Variants in TPX2 observed in about 807,000 individuals in gnomAD.
TPX2 encodes the protein targeting protein for Xklp2.
Under a neutral mutation model 93.6 loss-of-function variants are expected in TPX2, and 21 were observed. That is an observed-to-expected ratio of 0.22 (90% CI 0.16 to 0.32). The LOEUF is 0.32. Ranked by LOEUF, TPX2 falls within the 10% of genes least tolerant of loss-of-function variation. The pLI, the probability that TPX2 is intolerant of heterozygous loss-of-function variation, is 1.00. For missense variants in TPX2, 776 were observed against 871.1 expected (o/e 0.89, Z 1.37); for synonymous variants, 281 against 298.3 (o/e 0.94, Z 0.60).
intron 6 of TPX2, among the ~76,000 whole-genome samples, chr20:31,771,075 G>A (rs1568587533): frequency 6.6e-6 from 1 of 152,058 alleles, no homozygotes; most frequent in Non-Finnish European, 1.5e-5. Context: ...TCTATATCAG[G>A]AAACTTAAGT....
chr20:31,786,445 G>C (rs1195583607), intron 12 of TPX2, among the ~76,000 whole-genome samples: 3 of 147,172 alleles, frequency 2.0e-5, no homozygotes, highest in African/African-American at 7.7e-5. Context: ...GCCCAGGCTA[G>C]AGTGCAGAAA....
chr20:31,766,275 T>A (rs2061924151), intron 4 of TPX2, among the ~76,000 whole-genome samples: 1 of 152,218 alleles, frequency 6.6e-6, no homozygotes, highest in Non-Finnish European at 1.5e-5. Context: ...ATTTTATCTT[T>A]ACCAGTGTCC....
chr20:31,747,532 G>A (rs2061791645), intron 2 of TPX2, among the ~76,000 whole-genome samples: 1 of 152,182 alleles, frequency 6.6e-6, no homozygotes, highest in South Asian at 2.1e-4. Flanking sequence ...AGACACGATG[G>A]ATGGCATTGA....
intron 2 of TPX2, among the ~76,000 whole-genome samples, chr20:31,744,624 C>T (rs150443868): frequency 2.0e-5 from 3 of 152,202 alleles, no homozygotes; most frequent in African/African-American, 4.8e-5. Context: ...CCTCCATCTC[C>T]TGGGCTCAAG....
chr20:31,752,064 G>A (rs1459895168), intron 2 of TPX2, among the ~76,000 whole-genome samples: 4 of 152,074 alleles, frequency 2.6e-5, no homozygotes, highest in Non-Finnish European at 5.9e-5. Context: ...AGTATAAGAA[G>A]TCTTTTTAGC....
intron 2 of TPX2, among the ~76,000 whole-genome samples, chr20:31,749,007 G>A (rs959235810): frequency 3.3e-5 from 5 of 150,432 alleles, no homozygotes; most frequent in East Asian, 2.0e-4. Flanking sequence ...GTGCAGTGGC[G>A]CGATCTCGGC....
chr20:31,780,148 T>C (rs2123051357), intron 10 of TPX2, among the ~76,000 whole-genome samples: 1 of 152,172 alleles, frequency 6.6e-6, no homozygotes, highest in Middle Eastern at 3.4e-3. Flanking sequence ...ACCTCTTGGG[T>C]GCAAGAGATT....
intron 2 of TPX2, among the ~76,000 whole-genome samples, chr20:31,755,814 C>A (rs150372152): frequency 1.3e-5 from 2 of 152,022 alleles, no homozygotes; most frequent in South Asian, 4.2e-4. Context: ...AATTATTGGC[C>A]ACTGAGTGTG....
chr20:31,764,102 T>G (rs760292912), intron 4 of TPX2, among the ~76,000 whole-genome samples: 4 of 129,430 alleles, frequency 3.1e-5, no homozygotes. Flanking sequence ...TGTACATACA[T>G]CTAATATACA....
At chr20:31,751,803 C>T (rs557723584) in intron 2 of TPX2, among the ~76,000 whole-genome samples, 5 of 152,164 alleles carry the variant, frequency 3.3e-5, no homozygotes, top group African/African-American at 4.8e-5. Flanking sequence ...AGTGCAATGG[C>T]GCAATCTCAG....
chr20:31,776,294 A>T (rs2061999214), intron 8 of TPX2, among the ~76,000 whole-genome samples: 2 of 150,652 alleles, frequency 1.3e-5, no homozygotes, highest in Admixed American at 1.3e-4. Context: ...GTTAGCCAGG[A>T]TGGTCTCCAT....
intron 2 of TPX2, among the ~76,000 whole-genome samples, chr20:31,746,561 T>C (rs2122949348): frequency 6.6e-6 from 1 of 152,354 alleles, no homozygotes; most frequent in South Asian, 2.1e-4. Flanking sequence ...GACTTTCTCT[T>C]TAATAGAAAT....
At chr20:31,763,738 G>A (rs1183453119) in intron 4 of TPX2, among the ~76,000 whole-genome samples, 1 of 68,732 alleles carries the variant, frequency 1.5e-5, no homozygotes. Flanking sequence ...TTTTTTTTTT[G>A]GCTGGACGTG....
intron 11 of TPX2, among the ~76,000 whole-genome samples, chr20:31,782,924 AC>A (rs1320440512): frequency 4.0e-5 from 6 of 149,412 alleles, no homozygotes; most frequent in South Asian, 2.1e-4. Context: ...ACACACACAC[AC>A]ACACACAAAA....
intron 7 of TPX2, 134 bp downstream of exon 7, chr20:31,771,816 T>C: frequency 1.1e-6 from 1 of 907,848 alleles, no homozygotes; most frequent in Non-Finnish European, 1.6e-6. Flanking sequence ...AATTGTTACA[T>C]GTGTCCTGAT....
In TPX2 at chr20:31,775,891, G is replaced by A. The variant is rs1465082886; in HGVS notation, c.633G>A (p.Glu211=). Residue 211 remains glutamate (E), a synonymous_variant, in exon 8 of 18, where the codon GAG becomes GAA. Transcript: ENST00000300403. The stretch of plus-strand genomic sequence containing the variant: ...GGCAGAAGTTTCTAAAAAGTACTGA[G>A]GAGCAAGAGCTGGAGAAGAGTATGA... ...PAKQKFLKST[E]EQELEKSMKM... is the part of the protein sequence containing the mutation. The A allele has an allele frequency of 1.3e-6, 2 of 1,597,628 alleles. No homozygotes were observed. The highest frequency in any genetic ancestry group is 1.1e-5 in the South Asian group (1 of 88,764).
intron 10 of TPX2, 46 bp downstream of exon 10, chr20:31,779,030 T>C: frequency 6.6e-7 from 1 of 1,505,634 alleles, no homozygotes; most frequent in African/African-American, 1.4e-5. Context: ...CTCTCCTACA[T>C]TCCCTCTGCT....
chr20:31,783,476 C>G (rs1440871998), intron 11 of TPX2, among the ~76,000 whole-genome samples: 1 of 152,070 alleles, frequency 6.6e-6, no homozygotes, highest in Non-Finnish European at 1.5e-5. Flanking sequence ...GTCTTGAACT[C>G]CTGACCTCAA....
In TPX2 at chr20:31,757,468, T is replaced by A; in HGVS notation, c.-9T>A. 1 of 1,611,222 alleles carries A rather than the reference T, an allele frequency of 6.2e-7. No individual in the cohort carries two copies. Among genetic ancestry groups the A allele is most frequent in the Non-Finnish European group, 8.5e-7 (1 of 1,177,764 alleles). ...GAAAAACCTGCTCTTCTGCGTTAAG[T>A]GGGAGACAATGTCACAAGTTAAAAG... is the stretch of plus-strand genomic sequence containing the variant. On this transcript the variant is annotated 5_prime_UTR_variant, in exon 3 of 18. Coordinates refer to ENST00000300403, the MANE Select transcript of TPX2 (RefSeq NM_012112.5).
Sources: allele counts gnomAD v4.1 joint callset (sites outside exome capture counted in the v4.1 genomes callset), GRCh38; gene constraint gnomAD v4.1.1; transcripts MANE v1.5; gene names NCBI Gene and HGNC (gene_info 2026-07-23, HGNC 2026-07-21).